PCDHA12: variants seen among roughly 807,000 people sequenced by gnomAD.
PCDHA12 encodes the protein protocadherin alpha 12.
A neutral mutation model predicts 60.0 loss-of-function variants in PCDHA12; 44 were observed. The ratio of observed to expected loss-of-function variants is 0.73; its 90% CI spans 0.58 to 0.94. The LOEUF (loss-of-function observed/expected upper bound fraction) is 0.94, where lower values mean the gene tolerates loss of function less well. Among genes scored for constraint, PCDHA12 ranks in the 40% least tolerant of loss-of-function variants. The pLI is 0.00. For synonymous variants in PCDHA12, 569 were observed against 553.0 expected (o/e 1.03, Z -0.40); for missense variants, 1,276 against 1,239.7 (o/e 1.03, Z -0.44).
At chr5:140,907,938 T>C (rs2073706734) in intron 1 of PCDHA12, among the ~76,000 whole-genome samples, 1 of 152,206 alleles carries the variant, frequency 6.6e-6, no homozygotes, top group African/African-American at 2.4e-5. Flanking sequence ...TCACATACCT[T>C]TTCCCCAAAT....
intron 1 of PCDHA12, chr5:140,928,095 G>A (rs782045221): frequency 6.2e-7 from 1 of 1,614,190 alleles, no homozygotes; most frequent in African/African-American, 1.3e-5. Flanking sequence ...TGATTGATGG[G>A]CCCCTGGACC....
At chr5:140,976,080 A>G (rs1487401919) in intron 1 of PCDHA12, among the ~76,000 whole-genome samples, 1 of 152,226 alleles carries the variant, frequency 6.6e-6, no homozygotes, top group African/African-American at 2.4e-5. Flanking sequence ...TGTGTCAGAT[A>G]TATCAGTAGT....
chr5:140,895,320 T>C (rs561707282), intron 1 of PCDHA12, among the ~76,000 whole-genome samples: 2 of 152,298 alleles, frequency 1.3e-5, no homozygotes, highest in East Asian at 3.9e-4. Flanking sequence ...CCATGACTAT[T>C]GTTCTCAAAT....
At chr5:140,996,431 T>C (rs1294673547) in intron 3 of PCDHA12, among the ~76,000 whole-genome samples, 1 of 152,182 alleles carries the variant, frequency 6.6e-6, no homozygotes, top group African/African-American at 2.4e-5. Flanking sequence ...ACTTTGGGAA[T>C]AGTCAGTGTC....
chr5:140,923,924 T>C (rs968133405), intron 1 of PCDHA12, among the ~76,000 whole-genome samples: 15 of 152,220 alleles, frequency 9.9e-5, no homozygotes. Context: ...TACTGTTCTC[T>C]GTATGCATTT....
At chr5:140,993,462 T>TCACACACA (rs3836747) in intron 3 of PCDHA12, among the ~76,000 whole-genome samples, 2,160 of 141,010 alleles carry the variant, frequency 0.015, 29 homozygotes, top group Admixed American at 0.024. Flanking sequence ...TCTTTCTTTC[T>TCACACACA]CACACACACA....
chr5:140,963,766 A>G (rs574963836), intron 1 of PCDHA12, among the ~76,000 whole-genome samples: 1 of 152,372 alleles, frequency 6.6e-6, no homozygotes, highest in South Asian at 2.1e-4. Flanking sequence ...GTTGTATTTC[A>G]TGACGACAGC....
intron 3 of PCDHA12, among the ~76,000 whole-genome samples, chr5:140,991,755 C>T (rs2153897425): frequency 6.6e-6 from 1 of 152,268 alleles, no homozygotes; most frequent in South Asian, 2.1e-4. Context: ...TTCTATCATG[C>T]TCTTCAAAAT....
intron 1 of PCDHA12, chr5:140,929,361 C>T (rs115903226): frequency 3.5e-5 from 53 of 1,519,472 alleles, no homozygotes; most frequent in Middle Eastern, 1.8e-4. Context: ...TCCTTTGGCC[C>T]GGAGATGGCT....
At chr5:140,924,175 A>G (rs1179259744) in intron 1 of PCDHA12, among the ~76,000 whole-genome samples, 4 of 152,244 alleles carry the variant, frequency 2.6e-5, no homozygotes, top group Non-Finnish European at 5.9e-5. Context: ...CTGGCACTGA[A>G]GCAGAAAATT....
chr5:140,912,145 C>T (rs561351882), intron 1 of PCDHA12, among the ~76,000 whole-genome samples: 1 of 152,302 alleles, frequency 6.6e-6, no homozygotes, highest in African/African-American at 2.4e-5. Flanking sequence ...CCATGTTCTT[C>T]TGCCTGTTTT....
chr5:140,994,272 CT>C (rs1359828811), intron 3 of PCDHA12, among the ~76,000 whole-genome samples: 4 of 152,168 alleles, frequency 2.6e-5, no homozygotes, highest in African/African-American at 9.7e-5. Flanking sequence ...GCTAGGCTGC[CT>C]TTCTTGAGAC....
chr5:140,890,043 G>GT (rs1255415089), intron 1 of PCDHA12, among the ~76,000 whole-genome samples: 1 of 152,192 alleles, frequency 6.6e-6, no homozygotes, highest in Non-Finnish European at 1.5e-5. Context: ...ACTGTAGTGT[G>GT]TTGGAGCTGG....
At chr5:140,967,506 T>G in intron 1 of PCDHA12, 7 of 1,612,946 alleles carry the variant, frequency 4.3e-6, no homozygotes, top group Non-Finnish European at 5.9e-6. Context: ...TCTGTGCGTG[T>G]CCTGGACACT....
rs868991744 is a variant in PCDHA12, at chr5:140,897,794, G to C, written c.2367+19955G>C. ...CTTCCACAATGGTTGAACTAGTTTA[G>C]AGTCCCACCAACAGTGTAAAAGTGT... On this transcript the variant is annotated intron_variant, in intron 1 of 3. Coordinates refer to ENST00000398631, the MANE Select transcript of PCDHA12 (RefSeq NM_018903.4). 7.2e-4 allele frequency among the ~76,000 whole-genome samples: 109 copies of C among 152,066 alleles called. No homozygotes were observed. The South Asian group carries it at 0.011, about 15-fold the overall frequency.
chr5:140,919,981 T>TA (rs869118855), intron 1 of PCDHA12, among the ~76,000 whole-genome samples: 2 of 133,388 alleles, frequency 1.5e-5, no homozygotes, highest in Admixed American at 7.6e-5. Flanking sequence ...AGATAGAAGA[T>TA]GGAAAACAGA....
chr5:140,878,408 T>G (rs1554170402), intron 1 of PCDHA12, among the ~76,000 whole-genome samples: 2 of 152,244 alleles, frequency 1.3e-5, no homozygotes, highest in Non-Finnish European at 2.9e-5. Context: ...AAATATCTTC[T>G]TTATTTCAAG....
At chr5:140,937,944 G>T (rs2091858064) in intron 1 of PCDHA12, among the ~76,000 whole-genome samples, 1 of 151,532 alleles carries the variant, frequency 6.6e-6, no homozygotes. Flanking sequence ...TTTGATAATT[G>T]GCTTTTGTTG....
chr5:140,984,304 G>A (rs1587007644), intron 3 of PCDHA12, among the ~76,000 whole-genome samples: 1 of 152,168 alleles, frequency 6.6e-6, no homozygotes, highest in Admixed American at 6.5e-5. Context: ...GATGCTGGTT[G>A]GTGTGTATTC....
Sources: gnomAD v4.1 joint callset for allele counts (sites outside exome capture counted in the v4.1 genomes callset) on GRCh38, gnomAD v4.1.1 for gene constraint, MANE v1.5 for transcripts, NCBI Gene and HGNC (gene_info 2026-07-23, HGNC 2026-07-21) for gene names.